Variants in NT5DC3 observed in about 807,000 individuals in gnomAD.
NT5DC3 encodes the protein 5'-nucleotidase domain containing 3, also known as 5'-nucleotidase domain-containing protein 3.
NT5DC3 carries 42 observed loss-of-function variants against 67.8 expected under a neutral mutation model. That is an observed-to-expected ratio of 0.62 (90% confidence interval 0.48 to 0.80). The LOEUF is 0.80. Ranked by LOEUF, NT5DC3 falls within the 30% of genes least tolerant of loss-of-function variation. The pLI, the probability that NT5DC3 is intolerant of heterozygous loss-of-function variation, is 0.00. For synonymous variants in NT5DC3, 237 were observed against 255.6 expected (o/e 0.93, Z 0.69); for missense variants, 570 against 696.4 (o/e 0.82, Z 2.04).
At chr12:103,785,749 T>C in intron 11 of NT5DC3, 1 of 378,362 alleles carries the variant, frequency 2.6e-6, no homozygotes, top group Non-Finnish European at 4.8e-6. Context: ...AACCATGGTC[T>C]GTAAAAAAAA....
chr12:103,812,372 T>G (rs1238682352), intron 2 of NT5DC3, among the ~76,000 whole-genome samples: 1 of 152,248 alleles, frequency 6.6e-6, no homozygotes, highest in Non-Finnish European at 1.5e-5. Flanking sequence ...CTGACTCTAC[T>G]AATATGCCTG....
intron 4 of NT5DC3, among the ~76,000 whole-genome samples, chr12:103,805,815 C>T (rs966220866): frequency 6.1e-5 from 8 of 131,918 alleles, no homozygotes; most frequent in African/African-American, 2.0e-4. Flanking sequence ...CATTGCACTG[C>T]AGCCTGGGCA....
intron 1 of NT5DC3, among the ~76,000 whole-genome samples, chr12:103,828,542 TAAAG>T (rs1330344506): frequency 6.6e-6 from 1 of 152,130 alleles, no homozygotes; most frequent in Non-Finnish European, 1.5e-5. Flanking sequence ...TTCTAAGACA[TAAAG>T]AAAGGTCAAG....
intron 2 of NT5DC3, among the ~76,000 whole-genome samples, chr12:103,807,903 GAC>G (rs1284999227): frequency 2.6e-5 from 4 of 152,208 alleles, no homozygotes; most frequent in African/African-American, 9.7e-5. Flanking sequence ...GGGCTCCCCA[GAC>G]ACATGGAACT....
At chr12:103,766,475 G>T (rs777966554), downstream of NT5DC3, 4 of 1,013,102 alleles carry the variant, frequency 3.9e-6, no homozygotes, top group Non-Finnish European at 4.3e-6. Flanking sequence ...GGCTGATCTG[G>T]GGGTTGTTTC....
the NT5DC3 span, chr12:103,755,807 CACAG>C: frequency 4.1e-6 from 5 of 1,222,958 alleles, no homozygotes; most frequent in Non-Finnish European, 6.0e-6. Context: ...AGCTGAAGGC[CACAG>C]TCACAGTTAA....
rs750672309 is a variant in NT5DC3, at chr12:103,778,034, C to T, written c.1442G>A (p.Arg481His). The change falls in exon 14 of 14, where the codon CGC becomes CAC. Residue 481 changes from arginine to histidine, a missense_variant. Transcript: ENST00000392876. Reference protein sequence around the residue: ...FFNAQFGSLFRTDQNPTYFLR... With the variant: ...FFNAQFGSLFHTDQNPTYFLR... ...GAAGTAGGTTGGGTTCTGGTCTGTG[C>T]GGAACAGGCTTCCAAACTGGGCATT... is the stretch of plus-strand genomic sequence containing the variant. 3 of 1,614,100 alleles carry T rather than the reference C, an allele frequency of 1.9e-6. No homozygotes were observed. Among genetic ancestry groups the T allele is most frequent in the South Asian group, 2.2e-5 (2 of 91,078 alleles).
the NT5DC3 span, chr12:103,757,960 C>T: frequency 1.6e-6 from 1 of 644,772 alleles, no homozygotes; most frequent in Non-Finnish European, 2.6e-6. Flanking sequence ...TGTGACGTGG[C>T]TGTGTCTTAA....
Position 103,783,228 on chromosome 12 carries a change from T to A in NT5DC3, c.1329+2107A>T, listed in dbSNP as rs186125040. On this transcript the variant is annotated intron_variant, in intron 12 of 13. Transcript: ENST00000392876. Reference sequence around the variant, plus strand: ...CAGTGAGATAGGACACTGATTTGGATGTTTTTTTAGTTAGCAGCTATACAC... The same window carrying A: ...CAGTGAGATAGGACACTGATTTGGAAGTTTTTTTAGTTAGCAGCTATACAC... Among the ~76,000 whole-genome samples, 749 of 152,314 alleles carry A rather than the reference T, an allele frequency of 4.9e-3. 1 individual carries two copies. Among genetic ancestry groups the A allele is most frequent in the African/African-American group, 0.017 (722 of 41,564 alleles).
At chr12:103,833,225 GCT>G (rs1398804581) in intron 1 of NT5DC3, among the ~76,000 whole-genome samples, 1 of 152,054 alleles carries the variant, frequency 6.6e-6, no homozygotes, top group Non-Finnish European at 1.5e-5. Context: ...CATTTTAAAG[GCT>G]CTGACTCACT....
intron 1 of NT5DC3, among the ~76,000 whole-genome samples, chr12:103,840,421 A>C (rs376483930): frequency 3.1e-4 from 45 of 142,904 alleles, no homozygotes; most frequent in South Asian, 8.9e-4. Context: ...ATCTCATCTC[A>C]TTCCATCCCA....
At chr12:103,758,892 G>T in the NT5DC3 span, among the ~76,000 whole-genome samples, 2,555 of 152,262 alleles carry the variant, frequency 0.017, 77 homozygotes, top group African/African-American at 0.058. Flanking sequence ...TCAAGACACC[G>T]CTGGAAAGCT....
chr12:103,834,911 G>A (rs1280090879), intron 1 of NT5DC3, among the ~76,000 whole-genome samples: 1 of 152,034 alleles, frequency 6.6e-6, no homozygotes, highest in Non-Finnish European at 1.5e-5. Context: ...TGGGGGTGGG[G>A]AGATCTACAT....
intron 1 of NT5DC3, among the ~76,000 whole-genome samples, chr12:103,838,960 A>G (rs1165594): frequency 0.78 from 119,221 of 152,118 alleles, 46,988 homozygotes; most frequent in East Asian, 0.99. Flanking sequence ...ACAAGGGAGA[A>G]CATGATGGGG....
At chr12:103,809,246 T>C (rs572304647) in intron 2 of NT5DC3, among the ~76,000 whole-genome samples, 1 of 152,362 alleles carries the variant, frequency 6.6e-6, no homozygotes, top group East Asian at 1.9e-4. Context: ...ACTATTTTAG[T>C]TGATTGCTGG....
rs889842445 is a variant in NT5DC3, at chr12:103,807,044, G to A, written c.394-115C>T. The A allele has an allele frequency of 1.8e-5, 12 of 651,524 alleles. No homozygotes were observed. The African/African-American group carries it at 2.2e-4, about 12-fold the overall frequency. 40.4% of individuals were successfully genotyped at this position (651,524 alleles called of 1,614,324 possible). On this transcript the variant is annotated intron_variant, in intron 2 of 13. Coordinates refer to ENST00000392876, the MANE Select transcript of NT5DC3 (RefSeq NM_001031701.3). Reference sequence around the variant, plus strand: ...AGTTGATACACCAGTGGGAGGTTGGGGTCAGAAGGGGCAGACCACAGCTTG... The same window carrying A: ...AGTTGATACACCAGTGGGAGGTTGGAGTCAGAAGGGGCAGACCACAGCTTG...
intron 1 of NT5DC3, among the ~76,000 whole-genome samples, chr12:103,836,888 T>C (rs916113426): frequency 1.4e-4 from 22 of 152,252 alleles, no homozygotes; most frequent in Middle Eastern, 6.8e-3. Context: ...GTGGATCTAC[T>C]ATTCCGGGGT....
the NT5DC3 span, among the ~76,000 whole-genome samples, chr12:103,752,110 C>A: frequency 6.6e-6 from 1 of 152,136 alleles, no homozygotes; most frequent in African/African-American, 2.4e-5. Flanking sequence ...CCCCATCCTA[C>A]AGAAATAATC....
intron 4 of NT5DC3, among the ~76,000 whole-genome samples, chr12:103,801,372 C>CCTTTTTTTTTTTTTTTTTT (rs1886567309): frequency 1.3e-5 from 1 of 78,946 alleles, no homozygotes; most frequent in African/African-American, 5.4e-5. Flanking sequence ...TTGGGGTGGG[C>CCTTTTTTTTTTTTTTTTTT]TTTTTTTTTT....
Sources: gnomAD v4.1 joint callset for allele counts (sites outside exome capture counted in the v4.1 genomes callset) on GRCh38, gnomAD v4.1.1 for gene constraint, MANE v1.5 for transcripts, NCBI Gene and HGNC (gene_info 2026-07-23, HGNC 2026-07-21) for gene names.